RFPL4AL1: variants seen among roughly 807,000 people sequenced by gnomAD.
The protein encoded by RFPL4AL1 is ret finger protein like 4A like 1, also known as ret finger protein-like 4A-like protein 1.
In RFPL4AL1, 2 loss-of-function variants were observed where a neutral mutation model predicts 8.2. That is an observed-to-expected ratio of 0.24 (90% CI 0.10 to 0.77). The LOEUF (loss-of-function observed/expected upper bound fraction) is 0.77. Among genes scored for constraint, RFPL4AL1 ranks in the 30% least tolerant of loss-of-function variants. RFPL4AL1 has a pLI of 0.72. For synonymous variants in RFPL4AL1, 25 were observed against 131.8 expected, an observed-to-expected ratio of 0.19 and a Z score of 5.55; for missense variants, 57 against 350.3, an observed-to-expected ratio of 0.16 and a Z score of 6.68.
chr19:55,770,952 C>T (rs1329323387), intron 1 of RFPL4AL1, among the ~76,000 whole-genome samples: 1 of 151,858 alleles, frequency 6.6e-6, no homozygotes, highest in African/African-American at 2.4e-5. Context: ...CAGGATTCTG[C>T]CCATTGGAAT....
chr19:55,769,796 G>A (rs1362183901), intron 1 of RFPL4AL1, among the ~76,000 whole-genome samples: 2 of 151,570 alleles, frequency 1.3e-5, no homozygotes, highest in African/African-American at 4.9e-5. Context: ...CCACATAACT[G>A]AGATCATACA....
At chr19:55,770,364 G>A (rs538210032) in intron 1 of RFPL4AL1, among the ~76,000 whole-genome samples, 41 of 152,032 alleles carry the variant, frequency 2.7e-4, no homozygotes, top group African/African-American at 9.4e-4. Flanking sequence ...CGAATTCAGG[G>A]ATGAGCCAGA....
In RFPL4AL1 at chr19:55,772,580, C is replaced by T. The variant is rs144866393; in HGVS notation, c.287-22C>T. ...GTCTGTAGTGTGTGTCTTTGCTGAA[C>T]TCCTGGTTCTTCTTTGCACAGTGGA... On this transcript the variant is annotated intron_variant, in intron 2 of 2. Transcript: ENST00000341750. The T allele has an allele frequency of 4.8e-3, 5,805 of 1,199,436 alleles. 6 individuals carry two copies. The highest frequency in any genetic ancestry group is 6.1e-3 in the Non-Finnish European group (5,191 of 848,978). 74.3% of individuals were successfully genotyped at this position (1,199,436 alleles called of 1,614,324 possible). A position where few individuals can be genotyped will look rare whatever the true frequency, so the allele number is the denominator to read the frequency against.
At position 55,772,053 on chromosome 19, in the gene RFPL4AL1, T is replaced by C; in HGVS notation, c.249T>C (p.Ser83=). Residue 83 remains serine (S), a synonymous_variant, in exon 2 of 3, where the codon TCT becomes TCC. Transcript: ENST00000341750. The stretch of plus-strand genomic sequence containing the variant: ...AGGAACTAGAGCCCAAGCTGAAATC[T>C]GTTCTAACAATGAACCCAAGGATGA... ...IIKELEPKLK[S]VLTMNPRMRK... 1.3e-6 allele frequency: 2 copies of C among 1,487,858 alleles called. No homozygotes were observed. The highest frequency in any genetic ancestry group is 2.5e-5 in the South Asian group (2 of 81,530). The allele number at this position is 1,487,858 out of a possible 1,614,324, so 92.2% of individuals were successfully genotyped here.
intron 1 of RFPL4AL1, among the ~76,000 whole-genome samples, chr19:55,771,086 G>GTTTTT (rs74183507): frequency 7.7e-6 from 1 of 130,376 alleles, no homozygotes; most frequent in Non-Finnish European, 1.6e-5. Context: ...TCTGTTTTTT[G>GTTTTT]TTTTTTTTTT....
At chr19:55,769,714 G>A (rs1166040587) in intron 1 of RFPL4AL1, among the ~76,000 whole-genome samples, 1 of 151,686 alleles carries the variant, frequency 6.6e-6, no homozygotes, top group South Asian at 2.1e-4. Flanking sequence ...TTTGAGACAG[G>A]GTCTCGCTCT....
chr19:55,771,900 C>T lies in RFPL4AL1; in HGVS notation c.96C>T (p.Leu32=). 1 of 1,544,162 alleles carries T rather than the reference C, an allele frequency of 6.5e-7. No homozygotes were observed. The highest frequency in any genetic ancestry group is 8.7e-7 in the Non-Finnish European group (1 of 1,143,478). ...TGAAATGTGGATATGCCTGCTGCCT[C>T]CAGTGCCTCAATTCACTCCAGAAGG... is the stretch of plus-strand genomic sequence containing the variant. ...VQLKCGYACC[L]QCLNSLQKEP... The change falls in exon 2 of 3, where the codon CTC becomes CTT. Residue 32 remains leucine (L), a synonymous_variant. Coordinates refer to ENST00000341750, the MANE Select transcript of RFPL4AL1 (RefSeq NM_001277397.2).
intron 1 of RFPL4AL1, among the ~76,000 whole-genome samples, chr19:55,771,078 T>C (rs1335268310): frequency 2.4e-5 from 3 of 124,796 alleles, no homozygotes; most frequent in Non-Finnish European, 5.1e-5. Flanking sequence ...CTTTTAGTTC[T>C]GTTTTTTGTT....
chr19:55,769,340 C>G (rs1359139142), intron 1 of RFPL4AL1, among the ~76,000 whole-genome samples, 165 bp downstream of exon 1: 4 of 151,930 alleles, frequency 2.6e-5, no homozygotes, highest in African/African-American at 7.3e-5. Flanking sequence ...GGTTAGGCAA[C>G]TCTTAGATTT....
chr19:55,772,286 G>C lies in RFPL4AL1; in HGVS notation c.286+196G>C, dbSNP rs1325708500. 6.1e-4 allele frequency among the ~76,000 whole-genome samples: 80 copies of C among 131,578 alleles called. 12 individuals carry two copies. Among genetic ancestry groups the C allele is most frequent in the Middle Eastern group, 4.3e-3 (1 of 230 alleles). 86.3% of individuals were successfully genotyped at this position (131,578 alleles called of 152,430 possible). On this transcript the variant is annotated intron_variant, in intron 2 of 2. Coordinates refer to ENST00000341750, the MANE Select transcript of RFPL4AL1 (RefSeq NM_001277397.2). ...GCAAGTTTGTAGAATACTTTGGAGA[G>C]CAAGCTACTGTCTTCTTTCATGTAT...
chr19:55,769,980 G>A (rs552537484), intron 1 of RFPL4AL1, among the ~76,000 whole-genome samples: 1 of 152,080 alleles, frequency 6.6e-6, no homozygotes, highest in Admixed American at 6.6e-5. Context: ...TTCCATGGCT[G>A]TTGTGAATAA....
intron 1 of RFPL4AL1, 30 bp from the exon 2 acceptor site, chr19:55,771,766 C>G: frequency 1.3e-6 from 2 of 1,551,098 alleles, no homozygotes; most frequent in Non-Finnish European, 1.7e-6. Context: ...CGTGGAAATT[C>G]TAATTCCGTG....
At chr19:55,769,932 T>C (rs1989458756) in intron 1 of RFPL4AL1, among the ~76,000 whole-genome samples, 1 of 151,984 alleles carries the variant, frequency 6.6e-6, no homozygotes, top group Admixed American at 6.6e-5. Context: ...ATATCACCAT[T>C]TCCTCATCTA....
intron 1 of RFPL4AL1, among the ~76,000 whole-genome samples, chr19:55,770,523 A>C (rs998976132): frequency 2.0e-5 from 3 of 151,910 alleles, no homozygotes; most frequent in African/African-American, 7.3e-5. Flanking sequence ...TGAACTAATC[A>C]TTAGGTTTTG....
rs147581428 is a variant in RFPL4AL1 at position 55,771,657 on chromosome 19, G to A, written c.-9-139G>A. The A allele has an allele frequency of 5.0e-4, 514 of 1,038,162 alleles. 32 individuals are homozygous for A. In the African/African-American group the frequency reaches 7.0e-3, roughly 14 times the overall value. 64.3% of individuals were successfully genotyped at this position (1,038,162 alleles called of 1,614,324 possible). A position where few individuals can be genotyped will look rare whatever the true frequency, so the allele number is the denominator to read the frequency against. ...TCATTGACATTTGTATTCATGTTGTGTCTTCATCACTAGCAGTAGTGATTT... is the reference window on the plus strand; with the variant it reads ...TCATTGACATTTGTATTCATGTTGTATCTTCATCACTAGCAGTAGTGATTT... On this transcript the variant is annotated intron_variant, in intron 1 of 2. Transcript: ENST00000341750.
At chr19:55,770,733 CCTTGTAATTTTAATGA>C (rs1989476063) in intron 1 of RFPL4AL1, among the ~76,000 whole-genome samples, 1 of 151,908 alleles carries the variant, frequency 6.6e-6, no homozygotes, top group Non-Finnish European at 1.5e-5. Context: ...TCCTCCTTGT[CCTTGTAATTTTAATGA>C]CAAGTGGCTA....
At chr19:55,772,237 C>T (rs1162963836) in intron 2 of RFPL4AL1, 147 bp downstream of exon 2, 14 of 677,814 alleles carry the variant, frequency 2.1e-5, no homozygotes, top group East Asian at 1.5e-4. Context: ...CTCACCTTTG[C>T]GTAGAGATTT....
chr19:55,770,702 T>C (rs192055367), intron 1 of RFPL4AL1, among the ~76,000 whole-genome samples: 3 of 152,106 alleles, frequency 2.0e-5, no homozygotes, highest in Admixed American at 2.0e-4. Flanking sequence ...TCCGGTTTTT[T>C]AGCACCTCAT....
chr19:55,771,397 A>G (rs1989495205), intron 1 of RFPL4AL1, among the ~76,000 whole-genome samples: 1 of 152,178 alleles, frequency 6.6e-6, no homozygotes, highest in Non-Finnish European at 1.5e-5. Flanking sequence ...TCAAGCAGAT[A>G]GTTTACATTC....
Sources: gnomAD v4.1 joint callset for allele counts (sites outside exome capture counted in the v4.1 genomes callset) on GRCh38, gnomAD v4.1.1 for gene constraint, MANE v1.5 for transcripts, NCBI Gene and HGNC (gene_info 2026-07-23, HGNC 2026-07-21) for gene names.